ARG2: variants seen among roughly 807,000 people sequenced by gnomAD.
ARG2 encodes arginase 2, also known as arginase-2, mitochondrial.
A neutral mutation model predicts 39.4 loss-of-function variants in ARG2; 21 were observed. That is an observed-to-expected ratio of 0.53 (90% CI 0.38 to 0.77). The LOEUF is 0.77. Among genes scored for constraint, ARG2 ranks in the 30% least tolerant of loss-of-function variants. ARG2 has a pLI of 0.00. For synonymous variants in ARG2, 150 were observed against 156.7 expected (o/e 0.96, Z 0.32); for missense variants, 378 against 426.2 (o/e 0.89, Z 1.00).
At chr14:67,646,576 G>A (rs742869) in intron 4 of ARG2, 68 bp from the exon 5 acceptor site, 698,790 of 1,278,946 alleles carry the variant, frequency 0.55, 202,436 homozygotes, top group Non-Finnish European at 0.61. Context: ...ACCCACGGAC[G>A]CACATGATAA....
intron 3 of ARG2, among the ~76,000 whole-genome samples, chr14:67,643,548 GCA>G (rs1184842223): frequency 3.3e-4 from 50 of 152,350 alleles, no homozygotes; most frequent in Non-Finnish European, 1.2e-4. Flanking sequence ...TCCAAGGTGG[GCA>G]CAGTGGTGCA....
chr14:67,629,154 C>T (rs929220047), intron 2 of ARG2, among the ~76,000 whole-genome samples: 6 of 152,100 alleles, frequency 3.9e-5, no homozygotes, highest in Admixed American at 1.3e-4. Context: ...GGCAACTTAG[C>T]GAGTCCCAAT....
In ARG2 at chr14:67,627,470, T is replaced by C. The variant is rs535532674; in HGVS notation, c.184+6504T>C. 4.6e-5 allele frequency among the ~76,000 whole-genome samples: 7 copies of C among 152,216 alleles called. No homozygotes were observed. In the South Asian group the frequency reaches 1.0e-3, roughly 23 times the overall value. On this transcript the variant is annotated intron_variant, in intron 2 of 7. Coordinates refer to ENST00000261783, the MANE Select transcript of ARG2 (RefSeq NM_001172.4). ...TCTTTTCAAGCTCTAGTTTTGGGCA[T>C]TGAAAAGAGATGAAACTGGCATCTC... is the stretch of plus-strand genomic sequence containing the variant.
In ARG2 at chr14:67,648,129, G is replaced by A. The variant is rs376070237; in HGVS notation, c.805G>A (p.Gly269Arg). ...TCCAGCCACAGGAACTCCTGTTGTC[G>A]GGGGACTAACCTATCGAGAAGGCAT... ...LAPATGTPVV[G>R]GLTYREGMYI... The change falls in exon 7 of 8, where the codon GGG becomes AGG. Residue 269 changes from glycine (G) to arginine (R), a missense_variant. Transcript: ENST00000261783. 5.6e-5 allele frequency: 91 copies of A among 1,613,828 alleles called. No homozygotes were observed. The highest frequency in any genetic ancestry group is 7.5e-5 in the Non-Finnish European group (88 of 1,179,936).
chr14:67,621,809 T>C (rs764514957), intron 2 of ARG2, among the ~76,000 whole-genome samples: 4 of 151,660 alleles, frequency 2.6e-5, no homozygotes, highest in Non-Finnish European at 5.9e-5. Flanking sequence ...TTTGAATACC[T>C]TTATAAGCAG....
chr14:67,645,334 A>G (rs2140777043), intron 3 of ARG2, among the ~76,000 whole-genome samples: 1 of 152,236 alleles, frequency 6.6e-6, no homozygotes, highest in South Asian at 2.1e-4. Context: ...TCATTCATTG[A>G]ACAAATATTT....
chr14:67,647,640 T>C (rs2140783694), intron 6 of ARG2: 1 of 158,992 alleles, frequency 6.3e-6, no homozygotes, highest in Non-Finnish European at 1.4e-5. Context: ...AGAGCAACCA[T>C]AACTTACATC....
intron 2 of ARG2, among the ~76,000 whole-genome samples, chr14:67,621,461 T>G (rs557844604): frequency 6.6e-6 from 1 of 152,062 alleles, no homozygotes; most frequent in Non-Finnish European, 1.5e-5. Flanking sequence ...GTTCTTTTTT[T>G]TTTTCTTTTT....
intron 2 of ARG2, among the ~76,000 whole-genome samples, chr14:67,634,063 T>A (rs2140741115): frequency 1.3e-5 from 2 of 152,206 alleles, no homozygotes; most frequent in African/African-American, 4.8e-5. Flanking sequence ...ATTCCTAGGA[T>A]TTAGTGGAGT....
rs188855659 is a variant in ARG2, at chr14:67,627,955, T to C, written c.184+6989T>C. Reference sequence around the variant, plus strand: ...TTTGACTTCTAAAGTCACTCTGATATGTATTTGGAAGAGTAAATGTCTAGC... The same window carrying C: ...TTTGACTTCTAAAGTCACTCTGATACGTATTTGGAAGAGTAAATGTCTAGC... On this transcript the variant is annotated intron_variant, in intron 2 of 7. Coordinates refer to ENST00000261783, the MANE Select transcript of ARG2 (RefSeq NM_001172.4). Among the ~76,000 whole-genome samples the C allele has an allele frequency of 2.6e-5, 4 of 152,326 alleles. No individual in the cohort carries two copies. In the East Asian group the frequency reaches 5.8e-4, roughly 22 times the overall value.
chr14:67,645,730 A>C lies in ARG2; in HGVS notation c.450A>C (p.Thr150=). ...VWVDAHADIN[T]PLTTSSGNLH... is the part of the protein sequence containing the mutation. ...TTGATGCCCATGCTGACATCAACAC[A>C]CCCCTTACCACTTCATCAGGAAATC... is the stretch of plus-strand genomic sequence containing the variant. Residue 150 remains threonine, a synonymous_variant, in exon 4 of 8, where the codon ACA becomes ACC. Coordinates refer to ENST00000261783, the MANE Select transcript of ARG2 (RefSeq NM_001172.4). 6.2e-7 allele frequency: 1 copy of C among 1,613,946 alleles called. No individual in the cohort carries two copies. The highest frequency in any genetic ancestry group is 8.5e-7 in the Non-Finnish European group (1 of 1,179,950).
chr14:67,645,171 A>C (rs1050361623), intron 3 of ARG2, among the ~76,000 whole-genome samples: 9 of 151,374 alleles, frequency 5.9e-5, no homozygotes, highest in Admixed American at 1.3e-4. Context: ...CCATTTACCT[A>C]GATTTCTTTT....
chr14:67,643,793 C>T (rs755587012), intron 3 of ARG2, among the ~76,000 whole-genome samples: 1 of 140,500 alleles, frequency 7.1e-6, no homozygotes, highest in Non-Finnish European at 1.5e-5. Context: ...TTTCAGATCA[C>T]TGAACAGAAA....
At chr14:67,640,569 G>C (rs2037019332) in intron 2 of ARG2, among the ~76,000 whole-genome samples, 1 of 152,132 alleles carries the variant, frequency 6.6e-6, no homozygotes, top group Non-Finnish European at 1.5e-5. Flanking sequence ...TTCATGATGA[G>C]TCCATGCTGC....
intron 2 of ARG2, among the ~76,000 whole-genome samples, chr14:67,630,056 T>C (rs1481444515): frequency 6.6e-6 from 1 of 152,246 alleles, no homozygotes; most frequent in Non-Finnish European, 1.5e-5. Context: ...AGCCATCTCA[T>C]GATCCTCAAG....
chr14:67,622,273 A>G (rs185458530), intron 2 of ARG2, among the ~76,000 whole-genome samples: 1 of 152,318 alleles, frequency 6.6e-6, no homozygotes, highest in African/African-American at 2.4e-5. Context: ...CACATAATCT[A>G]AGTTAACTCC....
chr14:67,637,410 C>CAAAAAAAAAAAAAAAAAA (rs34746542), intron 2 of ARG2, among the ~76,000 whole-genome samples: 1 of 103,620 alleles, frequency 9.7e-6, no homozygotes, highest in African/African-American at 4.5e-5. Flanking sequence ...GACTCTGTCT[C>CAAAAAAAAAAAAAAAAAA]AAAAAAAAAA....
chr14:67,644,532 C>T (rs7144186), intron 3 of ARG2, among the ~76,000 whole-genome samples: 14,173 of 152,180 alleles, frequency 0.093, 862 homozygotes, highest in Non-Finnish European at 0.13. Flanking sequence ...AGGATGGTTG[C>T]AGTCCTAAGA....
In ARG2 at chr14:67,651,622, A is replaced by C; in HGVS notation, c.*702A>C. On this transcript the variant is annotated 3_prime_UTR_variant, in exon 8 of 8. Coordinates refer to ENST00000261783, the MANE Select transcript of ARG2 (RefSeq NM_001172.4). ...CACAGCCACTTAGCAGGAAGTACTC[A>C]TAAGGTTCTTTAGCTGTCACTTAGG... 12 of 885,938 alleles carry C rather than the reference A, an allele frequency of 1.4e-5. No individual in the cohort carries two copies. Among genetic ancestry groups the C allele is most frequent in the East Asian group, 5.7e-5 (2 of 34,836 alleles). 54.9% of individuals were successfully genotyped at this position (885,938 alleles called of 1,614,324 possible). A position where few individuals can be genotyped will look rare whatever the true frequency, so the allele number is the denominator to read the frequency against.
Sources: allele counts gnomAD v4.1 joint callset (sites outside exome capture counted in the v4.1 genomes callset), GRCh38; gene constraint gnomAD v4.1.1; transcripts MANE v1.5; gene names NCBI Gene and HGNC (gene_info 2026-07-23, HGNC 2026-07-21).